FBXL13: variants seen among roughly 807,000 people sequenced by gnomAD.
FBXL13 encodes the protein F-box and leucine-rich repeat protein 13.
A neutral mutation model predicts 83.6 loss-of-function variants in FBXL13; 67 were observed. That is an observed-to-expected ratio of 0.80 (90% CI 0.66 to 0.98). FBXL13 has a LOEUF of 0.98. Among genes scored for constraint, FBXL13 ranks in the 50% least tolerant of loss-of-function variants. The probability of loss-of-function intolerance (pLI) is 0.00; values close to 1 mark genes in which losing one functional copy is unlikely to be tolerated. For synonymous variants in FBXL13, 272 were observed against 299.5 expected (o/e 0.91, Z 0.95); for missense variants, 822 against 866.5 (o/e 0.95, Z 0.64).
chr7:103,064,268 C>A, intron 1 of FBXL13, among the ~76,000 whole-genome samples: 1 of 152,220 alleles, frequency 6.6e-6, no homozygotes, highest in Middle Eastern at 3.2e-3. Context: ...GCCAGGGAAA[C>A]TGAATGCACC....
At chr7:102,916,123 A>G (rs1005541156) in intron 10 of FBXL13, among the ~76,000 whole-genome samples, 12 of 152,154 alleles carry the variant, frequency 7.9e-5, no homozygotes, top group African/African-American at 2.7e-4. Context: ...AGCTGGGATT[A>G]CAGGCACCCA....
intron 6 of FBXL13, among the ~76,000 whole-genome samples, chr7:103,016,990 C>A (rs1461094290): frequency 3.3e-5 from 5 of 152,222 alleles, no homozygotes; most frequent in Admixed American, 2.0e-4. Flanking sequence ...GTTCTCCCAG[C>A]ATGGAGTTTG....
rs1474345091 is a variant in FBXL13, at chr7:103,014,659, C to T, written c.495+10404G>A. Among the ~76,000 whole-genome samples, 5 of 152,020 alleles carry T rather than the reference C, an allele frequency of 3.3e-5. No individual in the cohort carries two copies. In the East Asian group the frequency reaches 9.7e-4, roughly 29 times the overall value. On this transcript the variant is annotated intron_variant, in intron 6 of 19. Coordinates refer to ENST00000313221, the Ensembl canonical transcript of FBXL13. The stretch of plus-strand genomic sequence containing the variant: ...GCAAACTGGGCCGGGCGCGGTGGCT[C>T]ACGCCTGTACTCCCAGCACTTTGGG...
chr7:103,036,616 A>T (rs1007525455), intron 2 of FBXL13, among the ~76,000 whole-genome samples: 5 of 152,164 alleles, frequency 3.3e-5, no homozygotes, highest in African/African-American at 1.2e-4. Context: ...GGTTCAAGTG[A>T]TTCTTGTGCC....
chr7:103,024,133 AAAAGAGAG>A (rs948744186), intron 6 of FBXL13, among the ~76,000 whole-genome samples: 4 of 70,660 alleles, frequency 5.7e-5, no homozygotes, highest in African/African-American at 1.4e-4. Flanking sequence ...ATAAAAGTTA[AAAAGAGAG>A]AGAGAGAGAG....
intron 6 of FBXL13, among the ~76,000 whole-genome samples, chr7:102,989,219 C>T (rs1189156119): frequency 2.6e-5 from 4 of 152,170 alleles, no homozygotes; most frequent in Non-Finnish European, 4.4e-5. Flanking sequence ...ATTTGATCTT[C>T]CTTGTGAATG....
At chr7:102,990,820 G>C (rs1829483583) in intron 6 of FBXL13, among the ~76,000 whole-genome samples, 1 of 152,156 alleles carries the variant, frequency 6.6e-6, no homozygotes, top group Admixed American at 6.5e-5. Flanking sequence ...CTTGAACTTG[G>C]GTAACATGGA....
At chr7:103,058,701 C>T (rs1326582451) in intron 1 of FBXL13, among the ~76,000 whole-genome samples, 1 of 152,170 alleles carries the variant, frequency 6.6e-6, no homozygotes, top group East Asian at 1.9e-4. Flanking sequence ...TTTTACTAAG[C>T]TCCCCAGGTG....
At chr7:102,959,223 C>T (rs1013174778) in intron 8 of FBXL13, among the ~76,000 whole-genome samples, 15 of 152,078 alleles carry the variant, frequency 9.9e-5, no homozygotes, top group African/African-American at 3.6e-4. Context: ...GTAGCACCAG[C>T]AATAATCAAT....
At chr7:102,924,807 A>AT (rs1817767274) in intron 10 of FBXL13, among the ~76,000 whole-genome samples, 2 of 151,436 alleles carry the variant, frequency 1.3e-5, no homozygotes, top group Non-Finnish European at 2.9e-5. Context: ...CACCCGGCTA[A>AT]TTTTTTCTAT....
chr7:102,967,264 CTCTT>C (rs1280153503), intron 7 of FBXL13, among the ~76,000 whole-genome samples: 4 of 61,648 alleles, frequency 6.5e-5, no homozygotes, highest in Admixed American at 1.9e-4. Context: ...AGCCAATCCT[CTCTT>C]TCTTTTTTTT....
intron 6 of FBXL13, among the ~76,000 whole-genome samples, chr7:102,984,662 G>C (rs1042717251): frequency 9.2e-5 from 14 of 152,302 alleles, no homozygotes; most frequent in Middle Eastern, 3.4e-3. Flanking sequence ...AGAAGGGAAA[G>C]AAGATAACAA....
chr7:103,020,969 T>C (rs938027451), intron 6 of FBXL13, among the ~76,000 whole-genome samples: 12 of 152,124 alleles, frequency 7.9e-5, no homozygotes, highest in Non-Finnish European at 1.8e-4. Flanking sequence ...TCTTCACAGA[T>C]TGGAAAAAAC....
At chr7:102,858,385 T>C (rs1806338222) in intron 16 of FBXL13, among the ~76,000 whole-genome samples, 1 of 152,162 alleles carries the variant, frequency 6.6e-6, no homozygotes, top group East Asian at 1.9e-4. Context: ...GGGGTGAATA[T>C]GGTTAACCAT....
intron 8 of FBXL13, chr7:102,934,014 G>C (rs762642150): frequency 9.3e-6 from 15 of 1,614,074 alleles, no homozygotes; most frequent in Non-Finnish European, 1.2e-5. Context: ...AATCATGGCC[G>C]GGCGGGTGGA....
intron 10 of FBXL13, among the ~76,000 whole-genome samples, chr7:102,922,696 G>C (rs1817290678): frequency 6.6e-6 from 1 of 152,126 alleles, no homozygotes; most frequent in Middle Eastern, 3.2e-3. Context: ...ATGATGACTG[G>C]GCGTGGTGGC....
intron 8 of FBXL13, chr7:102,933,964 G>A (rs753177179): frequency 2.5e-6 from 4 of 1,613,964 alleles, no homozygotes; most frequent in Non-Finnish European, 2.5e-6. Flanking sequence ...AAGCGGCTGA[G>A]CTGCGCAAAG....
intron 16 of FBXL13, among the ~76,000 whole-genome samples, chr7:102,862,566 GT>G (rs1807027045): frequency 6.6e-6 from 1 of 152,102 alleles, no homozygotes; most frequent in African/African-American, 2.4e-5. Context: ...GTTCTGGTTA[GT>G]TTACTTTCTA....
At chr7:102,865,401 A>G (rs1456352976) in intron 16 of FBXL13, among the ~76,000 whole-genome samples, 1 of 152,212 alleles carries the variant, frequency 6.6e-6, no homozygotes, top group Non-Finnish European at 1.5e-5. Flanking sequence ...TGTCATGTAC[A>G]ATGTTCTCGA....
Sources: allele counts gnomAD v4.1 joint callset (sites outside exome capture counted in the v4.1 genomes callset), GRCh38; gene constraint gnomAD v4.1.1; transcripts MANE v1.5; gene names NCBI Gene and HGNC (gene_info 2026-07-23, HGNC 2026-07-21).